The following IRX4 variants were observed in gnomAD, a reference collection of about 807,000 sequenced individuals.
IRX4 encodes the protein iroquois-class homeodomain protein IRX-4.
A neutral mutation model predicts 32.0 loss-of-function variants in IRX4; 22 were observed. That is an observed-to-expected ratio of 0.69 (90% CI 0.49 to 0.98). IRX4 has a LOEUF of 0.98. Ranked by LOEUF, IRX4 falls within the 50% of genes least tolerant of loss-of-function variation. IRX4 has a pLI of 0.00. For missense variants in IRX4, 840 were observed against 744.2 expected, an observed-to-expected ratio of 1.13 and a Z score of -1.50; for synonymous variants, 379 against 351.7, an observed-to-expected ratio of 1.08 and a Z score of -0.87.
Position 1,881,988 on chromosome 5 carries a change from G to C in IRX4, c.117C>G (p.Pro39=), listed in dbSNP as rs1031125976. The change falls in exon 2 of 5, where the codon CCC becomes CCG. Residue 39 remains proline, a synonymous_variant. Coordinates refer to ENST00000231357, the MANE Select transcript of IRX4 (RefSeq NM_016358.3). ...AGACCGGCGCCTGGGCCGAGGCGGCGGGCCCGGAGTCCGCCAGCGTGCGGC... is the reference window on the plus strand; with the variant it reads ...AGACCGGCGCCTGGGCCGAGGCGGCCGGCCCGGAGTCCGCCAGCGTGCGGC... ...SGGRTLADSG[P]AASAQAPVYC... is the part of the protein sequence containing the mutation. The C allele has an allele frequency of 1.3e-6, 2 of 1,549,428 alleles. No individual in the cohort carries two copies. Among genetic ancestry groups the C allele is most frequent in the Non-Finnish European group, 1.7e-6 (2 of 1,147,172 alleles).
rs1735506283 is a variant in IRX4, at chr5:1,882,916, C to T, written c.-269G>A. On this transcript the variant is annotated 5_prime_UTR_variant, in exon 1 of 5. An upstream start codon of the reference 5' UTR is lost. Transcript: ENST00000231357. ...CGGCCTCGCAGCGGCGACAGAAATACATATTTTACGAAAAAGAAAAAAAAA... is the reference window on the plus strand; with the variant it reads ...CGGCCTCGCAGCGGCGACAGAAATATATATTTTACGAAAAAGAAAAAAAAA... 4.0e-6 allele frequency: 1 copy of T among 249,256 alleles called. No individual in the cohort carries two copies. The highest frequency in any genetic ancestry group is 7.4e-6 in the Non-Finnish European group (1 of 134,236). The allele number at this position is 249,256 out of a possible 1,614,324, so 15.4% of individuals were successfully genotyped here. A position where few individuals can be genotyped will look rare whatever the true frequency, so the allele number is the denominator to read the frequency against.
chr5:1,881,797 G>A lies in IRX4; in HGVS notation c.297+11C>T, dbSNP rs940935497. 7 of 1,567,908 alleles carry A rather than the reference G, an allele frequency of 4.5e-6. No homozygotes were observed. In the South Asian group the frequency reaches 4.7e-5, roughly 11 times the overall value. On this transcript the variant is annotated intron_variant, in intron 2 of 4. Coordinates refer to ENST00000231357, the MANE Select transcript of IRX4 (RefSeq NM_016358.3). ...CAGGGGCAGGGCAAGGGCTAGGGAT[G>A]CCCCACTTACCAGCGAGTAGAAGGC...
In IRX4 at chr5:1,878,346, G is replaced by C; in HGVS notation, c.1183C>G (p.Leu395Val). The change falls in exon 5 of 5, where the codon CTC becomes GTC. Residue 395 changes from leucine (L) to valine (V), a missense_variant. By Grantham distance (32) the Leu-to-Val change is conservative (BLOSUM62 1). Transcript: ENST00000231357. Reference protein sequence around the residue: ...LSQTEFPSCMLKRQGPAAPAA... With the variant: ...LSQTEFPSCMVKRQGPAAPAA... Reference sequence around the variant, plus strand: ...GGGGCCGCGGGACCTTGGCGCTTGAGCATGCACGACGGAAACTCAGTCTGG... The same window carrying C: ...GGGGCCGCGGGACCTTGGCGCTTGACCATGCACGACGGAAACTCAGTCTGG... The C allele has an allele frequency of 6.5e-7, 1 of 1,544,122 alleles. No homozygotes were observed. Among genetic ancestry groups the C allele is most frequent in the East Asian group, 2.4e-5 (1 of 41,288 alleles).
intron 2 of IRX4, among the ~76,000 whole-genome samples, chr5:1,881,320 G>A (rs1445515786): frequency 4.0e-5 from 5 of 123,488 alleles, no homozygotes; most frequent in African/African-American, 1.3e-4. Flanking sequence ...GGCGCAAGGC[G>A]GGGGGAGGAG....
At position 1,877,435 on chromosome 5, in the gene IRX4, C is replaced by G. The variant is rs1735234397; in HGVS notation, c.*534G>C. ...TCATTTTGCAATACAAACACCATCA[C>G]TCGGTTTTATTGGTTTTGTTATATT... On this transcript the variant is annotated 3_prime_UTR_variant, in exon 5 of 5. Coordinates refer to ENST00000231357, the MANE Select transcript of IRX4 (RefSeq NM_016358.3). The G allele has an allele frequency of 6.6e-6, 1 of 152,640 alleles. No individual in the cohort carries two copies. The allele number at this position is 152,640 out of a possible 1,614,324, so 9.5% of individuals were successfully genotyped here. A position where few individuals can be genotyped will look rare whatever the true frequency, so the allele number is the denominator to read the frequency against.
rs1204790224 is a variant in IRX4, at chr5:1,882,626, A to G, written c.22T>C (p.Tyr8His). The stretch of plus-strand genomic sequence containing the variant: ...ACCTGGGGAGCCGAGGAGTAGGGGT[A>G]TCCAAACTGCGGGTAGGACATGGCG... MSYPQFG[Y>H]PYSSAPQFLM... The change falls in exon 1 of 5, where the codon TAC (tyrosine) becomes CAC (histidine). Residue 8 changes from tyrosine (Y) to histidine (H), a missense_variant. By Grantham distance (83) the Tyr-to-His change is moderately conservative. This residue lies in a region of IRX4 where 241 missense variants were observed against 220.8 expected (regional missense o/e 1.09). Coordinates refer to ENST00000231357, the MANE Select transcript of IRX4 (RefSeq NM_016358.3). 8 of 1,431,610 alleles carry G rather than the reference A, an allele frequency of 5.6e-6. No homozygotes were observed. The highest frequency in any genetic ancestry group is 1.5e-5 in the South Asian group (1 of 67,186). The allele number at this position is 1,431,610 out of a possible 1,614,324, so 88.7% of individuals were successfully genotyped here.
chr5:1,879,551 C>G lies in IRX4; in HGVS notation c.689G>C (p.Gly230Ala). 6.2e-7 allele frequency: 1 copy of G among 1,613,198 alleles called. No individual in the cohort carries two copies. The highest frequency in any genetic ancestry group is 2.2e-5 in the East Asian group (1 of 44,872). Residue 230 changes from glycine to alanine, a missense_variant, in exon 4 of 5, where the codon GGC becomes GCC. Coordinates refer to ENST00000231357, the MANE Select transcript of IRX4 (RefSeq NM_016358.3). Reference protein sequence around the residue: ...PYAEGEEEEGGEEEAREEPLK... With the variant: ...PYAEGEEEEGAEEEAREEPLK... The stretch of plus-strand genomic sequence containing the variant: ...GGGCTCCTCCCGCGCCTCCTCCTCG[C>G]CCCCCTCCTCCTCCTCGCCCTCCGC...
chr5:1,877,815 C>G lies in IRX4; in HGVS notation c.*154G>C, dbSNP rs930127842. On this transcript the variant is annotated 3_prime_UTR_variant, in exon 5 of 5. Transcript: ENST00000231357. ...CCCGGCGTGGCAGCGCCGGGCTTGT[C>G]CATGTTCCCAGGAGTCCAAGTTCAG... The G allele has an allele frequency of 2.8e-6, 2 of 717,236 alleles. No individual in the cohort carries two copies. Among genetic ancestry groups the G allele is most frequent in the Non-Finnish European group, 2.2e-6 (1 of 460,656 alleles). The allele number at this position is 717,236 out of a possible 1,614,324, so 44.4% of individuals were successfully genotyped here.
chr5:1,879,214 A>C (rs1168088204), intron 4 of IRX4, among the ~76,000 whole-genome samples: 1 of 151,560 alleles, frequency 6.6e-6, no homozygotes. Flanking sequence ...GATGGTCTCA[A>C]TCTCCTGACC....
chr5:1,880,715 G>T lies in IRX4; in HGVS notation c.407+10C>A, dbSNP rs371665057. The T allele has an allele frequency of 1.9e-6, 3 of 1,587,138 alleles. No homozygotes were observed. Among genetic ancestry groups the T allele is most frequent in the Non-Finnish European group, 1.7e-6 (2 of 1,155,760 alleles). ...GGGGCTAGTGCTGGTTAGGAGGGGT[G>T]GGTCCTCACCTGTCATAGGGGTACT... On this transcript the variant is annotated intron_variant, in intron 3 of 4. Coordinates refer to ENST00000231357, the MANE Select transcript of IRX4 (RefSeq NM_016358.3).
rs777953718 is a variant in IRX4 at position 1,879,803 on chromosome 5, C to A, written c.437G>T (p.Arg146Leu). The change falls in exon 4 of 5, where the codon CGC becomes CTC. Residue 146 changes from arginine (R) to leucine (L), a missense_variant. Arg to Leu is a moderately radical substitution (Grantham distance 102). Coordinates refer to ENST00000231357, the MANE Select transcript of IRX4 (RefSeq NM_016358.3). The stretch of plus-strand genomic sequence containing the variant: ...GGTGGTCTCGCGCGTGGCGTTCTTG[C>A]GCCGCGTGCCGCTGTCCATGGTTCC... ...RYGTMDSGTR[R>L]KNATRETTST... The A allele has an allele frequency of 1.9e-6, 3 of 1,614,038 alleles. No homozygotes were observed. Among genetic ancestry groups the A allele is most frequent in the South Asian group, 1.1e-5 (1 of 91,076 alleles).
chr5:1,877,926 C>A lies in IRX4; in HGVS notation c.*43G>T. On this transcript the variant is annotated 3_prime_UTR_variant, in exon 5 of 5. Coordinates refer to ENST00000231357, the MANE Select transcript of IRX4 (RefSeq NM_016358.3). ...CTCAGTGAAAAGAGTCGGCGCCGTC[C>A]GCCTGAGCGCGGGTTCCCTCCTGGG... The A allele has an allele frequency of 6.9e-7, 1 of 1,455,642 alleles. No homozygotes were observed. The highest frequency in any genetic ancestry group is 9.1e-7 in the Non-Finnish European group (1 of 1,093,818). 90.2% of individuals were successfully genotyped at this position (1,455,642 alleles called of 1,614,324 possible). A position where few individuals can be genotyped will look rare whatever the true frequency, so the allele number is the denominator to read the frequency against.
At position 1,881,870 on chromosome 5, in the gene IRX4, C is replaced by A. The variant is rs868373822; in HGVS notation, c.235G>T (p.Gly79Ter). Residue 79 changes from glycine (G) to a stop codon, truncating the protein, a stop_gained, in exon 2 of 5, where the codon GGA (glycine) becomes TGA (stop). Coordinates refer to ENST00000231357, the MANE Select transcript of IRX4 (RefSeq NM_016358.3). LOFTEE classifies it high-confidence loss of function. ...ALGVYGGPYGGSQGYGNYVTY... is the reference protein window; with the variant it reads ...ALGVYGGPYG ...ACGTAGTTGCCATAGCCCTGCGATC[C>A]GCCATAGGGACCCCCATAGACGCCC... 2 of 1,583,740 alleles carry A rather than the reference C, an allele frequency of 1.3e-6. No homozygotes were observed. Among genetic ancestry groups the A allele is most frequent in the East Asian group, 2.3e-5 (1 of 42,768 alleles).
In IRX4 at chr5:1,879,782, G is replaced by A. The variant is rs1209289704; in HGVS notation, c.458C>T (p.Thr153Ile). ...GTRRKNATRE[T>I]TSTLKAWLQE... ...CAGCCAGGCCTTGAGCGTGCTGGTG[G>A]TCTCGCGCGTGGCGTTCTTGCGCCG... The change falls in exon 4 of 5, where the codon ACC (threonine) becomes ATC (isoleucine). Residue 153 changes from threonine (T) to isoleucine (I), a missense_variant. Physicochemically the swap from Thr to Ile is moderately conservative, Grantham distance 89. Coordinates refer to ENST00000231357, the MANE Select transcript of IRX4 (RefSeq NM_016358.3). 1 of 1,614,034 alleles carries A rather than the reference G, an allele frequency of 6.2e-7. No homozygotes were observed. Among genetic ancestry groups the A allele is most frequent in the East Asian group, 2.2e-5 (1 of 44,884 alleles).
Position 1,882,813 on chromosome 5 carries a change from TA to T in IRX4, c.-167del. On this transcript the variant is annotated 5_prime_UTR_variant, in exon 1 of 5. It introduces an in-frame stop codon into an upstream open reading frame of the 5' UTR. Coordinates refer to ENST00000231357, the MANE Select transcript of IRX4 (RefSeq NM_016358.3). ...CGCTCCGCAAACTTTTCTAACCGGG[TA>T]ACAAAGTGAGCAGCGGTGGCCGCCG... 2.4e-6 allele frequency: 1 copy of T among 419,098 alleles called. No homozygotes were observed. Among genetic ancestry groups the T allele is most frequent in the East Asian group, 3.6e-5 (1 of 27,832 alleles). The allele number at this position is 419,098 out of a possible 1,614,324, so 26.0% of individuals were successfully genotyped here.
Position 1,877,874 on chromosome 5 carries a change from G to C in IRX4, c.*95C>G. 2 of 1,197,210 alleles carry C rather than the reference G, an allele frequency of 1.7e-6. No homozygotes were observed. The highest frequency in any genetic ancestry group is 2.3e-6 in the Non-Finnish European group (2 of 866,920). 74.2% of individuals were successfully genotyped at this position (1,197,210 alleles called of 1,614,324 possible). Reference sequence around the variant, plus strand: ...TCTCCGGTGGGTTGGCGGCTTCGCGGTGGCCGCGCTAGTCTTCCTCTGGAA... The same window carrying C: ...TCTCCGGTGGGTTGGCGGCTTCGCGCTGGCCGCGCTAGTCTTCCTCTGGAA... On this transcript the variant is annotated 3_prime_UTR_variant, in exon 5 of 5. Transcript: ENST00000231357.
chr5:1,885,569 C>T (rs753912550), upstream of IRX4, among the ~76,000 whole-genome samples: 7 of 152,150 alleles, frequency 4.6e-5, 1 homozygote, highest in African/African-American at 1.7e-4. Flanking sequence ...CCTCGGGAAG[C>T]TCGCAACTGC....
At position 1,878,767 on chromosome 5, in the gene IRX4, C is replaced by A. The variant is rs201683577; in HGVS notation, c.762G>T (p.Glu254Asp). ...AGTCGTCCAAGTCACTAAGCTCCAG[C>A]TCCTTCTCCTCTTTGCCCACGGGCT... Reference protein sequence around the residue: ...NAEPVGKEEKELELSDLDDFD... With the variant: ...NAEPVGKEEKDLELSDLDDFD... Residue 254 changes from glutamate to aspartate, a missense_variant, in exon 5 of 5, where the codon GAG becomes GAT. Glu to Asp is a conservative substitution (Grantham distance 45). Transcript: ENST00000231357. 1.2e-6 allele frequency: 2 copies of A among 1,613,292 alleles called. No individual in the cohort carries two copies. The highest frequency in any genetic ancestry group is 1.7e-4 in the Middle Eastern group (1 of 6,060).
At chr5:1,887,005 A>AG (rs1229443043), upstream of IRX4, 1 of 150,746 alleles carries the variant, frequency 6.6e-6, no homozygotes, top group Non-Finnish European at 1.5e-5. Context: ...CCTCCTCGGA[A>AG]GGGGGGAGGG....
Sources: allele counts gnomAD v4.1 joint callset (sites outside exome capture counted in the v4.1 genomes callset), GRCh38; gene constraint gnomAD v4.1.1; regional missense constraint gnomAD v4.1.1; transcripts MANE v1.5; gene names NCBI Gene and HGNC (gene_info 2026-07-23, HGNC 2026-07-21).